Variants in CPZ observed in about 807,000 individuals in gnomAD.
CPZ encodes the protein VEZT/CPZ fusion.
A neutral mutation model predicts 61.8 loss-of-function variants in CPZ; 103 were observed. The ratio of observed to expected loss-of-function variants is 1.67; its 90% CI spans 1.42 to 1.96. CPZ has a LOEUF of 1.96. Among genes scored for constraint, CPZ ranks in the 30% most tolerant of loss-of-function variants. The pLI is 0.00. For missense variants in CPZ, 1,461 were observed against 914.9 expected, an observed-to-expected ratio of 1.60 and a Z score of -7.70; for synonymous variants, 551 against 373.7, an observed-to-expected ratio of 1.47 and a Z score of -5.47.
At chr4:8,606,699 G>A (rs770184188) in intron 5 of CPZ, 38 bp from the exon 6 acceptor site, 9 of 1,613,334 alleles carry the variant, frequency 5.6e-6, no homozygotes, top group East Asian at 4.5e-5. Flanking sequence ...GGTGGGGTGT[G>A]CTGACCCCAC....
At chr4:8,593,473 G>A (rs1713950727) in intron 1 of CPZ, among the ~76,000 whole-genome samples, 1 of 152,188 alleles carries the variant, frequency 6.6e-6, no homozygotes, top group African/African-American at 2.4e-5. Flanking sequence ...TCCTCTGGGA[G>A]GTCTGCCCGC....
intron 1 of CPZ, among the ~76,000 whole-genome samples, chr4:8,598,251 C>T (rs961675510): frequency 1.3e-5 from 2 of 152,156 alleles, no homozygotes; most frequent in Non-Finnish European, 2.9e-5. Flanking sequence ...TTGCCCAGTC[C>T]CCAGTGGGGA....
Position 8,604,112 on chromosome 4 carries a change from C to A in CPZ, c.633C>A (p.Tyr211Ter), listed in dbSNP as rs750291883. The change falls in exon 4 of 11, where the codon TAC becomes TAA. Residue 211 changes from tyrosine to a stop codon, truncating the protein, a stop_gained. Coordinates refer to ENST00000360986, the MANE Select transcript of CPZ (RefSeq NM_001014447.3). LOFTEE classifies it high-confidence loss of function. The part of the protein sequence containing the change: ...ASRCAHVART[Y>*]SIGRSFDGRE... ...GCTGCGCCCACGTGGCCAGGACCTA[C>A]AGCATCGGGCGCAGCTTCGACGGCA... 2.5e-6 allele frequency: 4 copies of A among 1,603,410 alleles called. No homozygotes were observed. Among genetic ancestry groups the A allele is most frequent in the Non-Finnish European group, 3.4e-6 (4 of 1,175,506 alleles).
chr4:8,613,410 G>T (rs530031830), intron 8 of CPZ, among the ~76,000 whole-genome samples: 3 of 152,192 alleles, frequency 2.0e-5, no homozygotes, highest in Admixed American at 6.5e-5. Flanking sequence ...GATTATAGGC[G>T]TGAGCCACTG....
At position 8,599,491 on chromosome 4, in the gene CPZ, G is replaced by A; in HGVS notation, c.121+6G>A. ...GCCACCAGCTGCAGACAGCGGTACAGTACCGGGACCTCCCTGGCTTCTGTT... is the reference window on the plus strand; with the variant it reads ...GCCACCAGCTGCAGACAGCGGTACAATACCGGGACCTCCCTGGCTTCTGTT... On this transcript the variant is annotated splice_donor_region_variant and intron_variant, in intron 2 of 10. Transcript: ENST00000360986. 2 of 1,613,814 alleles carry A rather than the reference G, an allele frequency of 1.2e-6. No homozygotes were observed. Among genetic ancestry groups the A allele is most frequent in the Non-Finnish European group, 1.7e-6 (2 of 1,179,856 alleles).
chr4:8,595,633 C>A (rs1191874316), intron 1 of CPZ, among the ~76,000 whole-genome samples: 1 of 152,254 alleles, frequency 6.6e-6, no homozygotes, highest in Non-Finnish European at 1.5e-5. Context: ...TCCTGACTCT[C>A]TTGTGGCCAC....
At chr4:8,609,411 G>C (rs192338960) in intron 7 of CPZ, among the ~76,000 whole-genome samples, 1 of 146,360 alleles carries the variant, frequency 6.8e-6, no homozygotes, top group African/African-American at 2.8e-5. Flanking sequence ...GTTTATTCCC[G>C]CACTCCTTCC....
At chr4:8,602,697 T>C (rs1017816733) in intron 3 of CPZ, 6 of 152,258 alleles carry the variant, frequency 3.9e-5, no homozygotes. Context: ...GTCAAACAGC[T>C]ACCGAGCACC....
chr4:8,604,170 C>G lies in CPZ; in HGVS notation c.691C>G (p.Pro231Ala). Reference protein sequence around the residue: ...ELLVIEFSSRPGQHELMEPEV... With the variant: ...ELLVIEFSSRAGQHELMEPEV... Reference sequence around the variant, plus strand: ...GCTGGTCATCGAGTTCTCCAGCCGCCCCGGCCAGCACGAGCTGAGTGAGTG... The same window carrying G: ...GCTGGTCATCGAGTTCTCCAGCCGCGCCGGCCAGCACGAGCTGAGTGAGTG... The change falls in exon 4 of 11, where the codon CCC (proline) becomes GCC (alanine). Residue 231 changes from proline to alanine, a missense_variant. Pro to Ala is a conservative substitution (Grantham distance 27, BLOSUM62 -1). Transcript: ENST00000360986. The G allele has an allele frequency of 6.4e-7, 1 of 1,565,514 alleles. No homozygotes were observed. Among genetic ancestry groups the G allele is most frequent in the Non-Finnish European group, 8.7e-7 (1 of 1,153,890 alleles).
At chr4:8,614,579 C>T in intron 9 of CPZ, 81 bp downstream of exon 9, 9 of 1,486,022 alleles carry the variant, frequency 6.1e-6, no homozygotes, top group Non-Finnish European at 8.2e-6. Context: ...AGGGCAGCCC[C>T]CGTAGCCTCA....
At chr4:8,609,818 C>T (rs952531889) in intron 7 of CPZ, among the ~76,000 whole-genome samples, 7 of 152,182 alleles carry the variant, frequency 4.6e-5, no homozygotes, top group African/African-American at 7.2e-5. Context: ...GCCCTGTGGC[C>T]GGCAGTGATC....
At chr4:8,618,331 T>A in intron 9 of CPZ, 98 bp from the exon 10 acceptor site, 1 of 1,172,312 alleles carries the variant, frequency 8.5e-7, no homozygotes, top group East Asian at 2.4e-5. Context: ...TCCCCCTAGA[T>A]ACCAAGCTCT....
intron 7 of CPZ, among the ~76,000 whole-genome samples, chr4:8,608,205 C>T (rs941813824): frequency 6.8e-6 from 1 of 147,926 alleles, no homozygotes; most frequent in Admixed American, 6.8e-5. Flanking sequence ...CCTAGTGGTC[C>T]CCACTCCACC....
At chr4:8,606,943 G>A (rs927952064) in intron 6 of CPZ, 45 bp downstream of exon 6, 1 of 1,541,228 alleles carries the variant, frequency 6.5e-7, no homozygotes, top group Non-Finnish European at 8.8e-7. Context: ...AAGGCATCCA[G>A]GGGTCCCTAG....
rs13101888 is a variant in CPZ at position 8,619,621 on chromosome 4, C to T, written c.*4C>T. The T allele has an allele frequency of 0.014, 21,157 of 1,483,992 alleles. 236 individuals are homozygous for T. Among genetic ancestry groups the T allele is most frequent in the South Asian group, 0.047 (3,255 of 69,800 alleles). The allele number at this position is 1,483,992 out of a possible 1,614,324, so 91.9% of individuals were successfully genotyped here. On this transcript the variant is annotated 3_prime_UTR_variant, in exon 11 of 11. Transcript: ENST00000360986. ...ACGCTGGCTGCTCAAGTACTAGCCC[C>T]GGCCCCAGCACCCGCCAGGATGTGG...
At chr4:8,608,762 GAGGTA>G (rs1435275958) in intron 7 of CPZ, among the ~76,000 whole-genome samples, 2 of 151,174 alleles carry the variant, frequency 1.3e-5, no homozygotes, top group African/African-American at 4.8e-5. Context: ...CTCCACAGGT[GAGGTA>G]GAGATTTCCA....
intron 4 of CPZ, among the ~76,000 whole-genome samples, chr4:8,605,093 C>A (rs753296814): frequency 5.3e-5 from 8 of 152,196 alleles, no homozygotes; most frequent in African/African-American, 1.9e-4. Flanking sequence ...AGGTAACCAG[C>A]GCAGAAAGCT....
chr4:8,603,209 G>C (rs982450670), intron 3 of CPZ: 3 of 152,392 alleles, frequency 2.0e-5, no homozygotes, highest in Admixed American at 1.3e-4. Flanking sequence ...GGGCACCTGC[G>C]TCCTGCTCCT....
At chr4:8,599,228 T>G (rs1025868589) in intron 1 of CPZ, among the ~76,000 whole-genome samples, 1 of 152,186 alleles carries the variant, frequency 6.6e-6, no homozygotes, top group African/African-American at 2.4e-5. Context: ...TGCCTGTCTG[T>G]CCTTAGGCAG....
Sources: gnomAD v4.1 joint callset for allele counts (sites outside exome capture counted in the v4.1 genomes callset) on GRCh38, gnomAD v4.1.1 for gene constraint, MANE v1.5 for transcripts, NCBI Gene and HGNC (gene_info 2026-07-23, HGNC 2026-07-21) for gene names.